Variants in DPF3 observed in about 807,000 individuals in gnomAD.
DPF3 encodes double PHD fingers 3, also known as zinc finger protein DPF3.
In DPF3, 18 loss-of-function variants were observed where a neutral mutation model predicts 56.8. The observed-to-expected ratio is 0.32, with a 90% CI of 0.22 to 0.47. DPF3 has a LOEUF of 0.47. DPF3 is among the 20% of genes least tolerant of loss of function. The pLI is 1.00. For synonymous variants in DPF3, 188 were observed against 180.2 expected, an observed-to-expected ratio of 1.04 and a Z score of -0.35; for missense variants, 403 against 488.8, an observed-to-expected ratio of 0.82 and a Z score of 1.65.
chr14:72,850,653 C>T (rs1014102626), intron 1 of DPF3, among the ~76,000 whole-genome samples: 2 of 152,164 alleles, frequency 1.3e-5, no homozygotes, highest in Non-Finnish European at 2.9e-5. Flanking sequence ...TCTTTTGTGC[C>T]ATGACAATCT....
At chr14:72,881,909 T>C (rs1316771893) in intron 1 of DPF3, among the ~76,000 whole-genome samples, 1 of 152,086 alleles carries the variant, frequency 6.6e-6, no homozygotes, top group Admixed American at 6.6e-5. Context: ...AATAAAGTTA[T>C]TCTTTGGAGA....
At chr14:72,808,482 G>A (rs180945817) in intron 1 of DPF3, among the ~76,000 whole-genome samples, 28 of 152,250 alleles carry the variant, frequency 1.8e-4, no homozygotes, top group African/African-American at 6.5e-4. Flanking sequence ...AGCAGGACCC[G>A]CAAGAAGGTT....
chr14:72,660,215 T>G (rs1454412085), intron 8 of DPF3, among the ~76,000 whole-genome samples: 2 of 152,142 alleles, frequency 1.3e-5, no homozygotes, highest in Non-Finnish European at 2.9e-5. Flanking sequence ...TAATGCATAT[T>G]TCATCACAAT....
intron 8 of DPF3, among the ~76,000 whole-genome samples, chr14:72,653,435 C>T (rs944013816): frequency 2.6e-5 from 4 of 152,302 alleles, no homozygotes; most frequent in South Asian, 2.1e-4. Flanking sequence ...AGGTGAAGAG[C>T]GAAGAGAATC....
chr14:72,861,727 A>AAGAAAGAAAG (rs753409919), intron 1 of DPF3, among the ~76,000 whole-genome samples: 16,046 of 89,222 alleles, frequency 0.18, 3,415 homozygotes, highest in South Asian at 0.21. Context: ...AAGAGAGAGA[A>AAGAAAGAAAG]AGAAAGAAAG....
At chr14:72,850,340 G>A (rs189416830) in intron 1 of DPF3, among the ~76,000 whole-genome samples, 100 of 151,874 alleles carry the variant, frequency 6.6e-4, no homozygotes, top group Non-Finnish European at 4.4e-4. Context: ...CCTATTCTTC[G>A]TCTCCTACAG....
chr14:72,767,932 G>T (rs987395143), intron 2 of DPF3, among the ~76,000 whole-genome samples: 1 of 152,054 alleles, frequency 6.6e-6, no homozygotes, highest in East Asian at 1.9e-4. Flanking sequence ...TTACTTATAA[G>T]GGAAAAAAGC....
At chr14:72,757,415 A>G (rs1166938558) in intron 2 of DPF3, among the ~76,000 whole-genome samples, 1 of 152,178 alleles carries the variant, frequency 6.6e-6, no homozygotes, top group Non-Finnish European at 1.5e-5. Flanking sequence ...CCTATAAGTT[A>G]TACCAATTTG....
At chr14:72,859,053 C>T (rs1370074714) in intron 1 of DPF3, among the ~76,000 whole-genome samples, 1 of 152,142 alleles carries the variant, frequency 6.6e-6, no homozygotes, top group Non-Finnish European at 1.5e-5. Flanking sequence ...ATTGTTAACT[C>T]AGATAAGATT....
intron 1 of DPF3, among the ~76,000 whole-genome samples, chr14:72,831,903 G>T (rs1178663205): frequency 6.6e-6 from 1 of 151,802 alleles, no homozygotes; most frequent in East Asian, 1.9e-4. Flanking sequence ...TTTTCAGAAG[G>T]CTTGCCATTT....
intron 1 of DPF3, among the ~76,000 whole-genome samples, chr14:72,827,953 TA>T (rs58664797): frequency 0.013 from 1,897 of 150,990 alleles, 40 homozygotes; most frequent in African/African-American, 0.044. Context: ...CCCTGACTCT[TA>T]AAAAAAAATA....
intron 7 of DPF3, among the ~76,000 whole-genome samples, chr14:72,677,558 G>A (rs1260269770): frequency 6.6e-6 from 1 of 152,064 alleles, no homozygotes; most frequent in Non-Finnish European, 1.5e-5. Context: ...TATTAAATAG[G>A]TCTACTCCTT....
At chr14:72,699,650 G>A (rs1380948494) in intron 6 of DPF3, among the ~76,000 whole-genome samples, 1 of 152,010 alleles carries the variant, frequency 6.6e-6, no homozygotes, top group Non-Finnish European at 1.5e-5. Context: ...CCTGCCAACA[G>A]CTATTGAGTG....
chr14:72,637,863 T>C (rs1885429847), intron 8 of DPF3, among the ~76,000 whole-genome samples: 2 of 144,292 alleles, frequency 1.4e-5, no homozygotes, highest in Non-Finnish European at 3.0e-5. Flanking sequence ...AGAATTCATG[T>C]CAACTTTCCC....
chr14:72,632,056 G>T (rs989909247), intron 8 of DPF3, among the ~76,000 whole-genome samples: 5 of 152,228 alleles, frequency 3.3e-5, no homozygotes, highest in Non-Finnish European at 7.3e-5. Flanking sequence ...ATGAGCAAAA[G>T]GAAAGGGGTA....
At chr14:72,623,755 C>G (rs1884616959) in intron 9 of DPF3, among the ~76,000 whole-genome samples, 1 of 152,190 alleles carries the variant, frequency 6.6e-6, no homozygotes, top group African/African-American at 2.4e-5. Flanking sequence ...TTTTCTACCT[C>G]TGTCCACAGA....
At chr14:72,811,298 C>G (rs1487517883) in intron 1 of DPF3, among the ~76,000 whole-genome samples, 2 of 152,176 alleles carry the variant, frequency 1.3e-5, no homozygotes, top group African/African-American at 4.8e-5. Flanking sequence ...CAAATCATAT[C>G]AATTAGTGTC....
chr14:72,812,310 A>G (rs1228287066), intron 1 of DPF3, among the ~76,000 whole-genome samples: 1 of 152,124 alleles, frequency 6.6e-6, no homozygotes, highest in Non-Finnish European at 1.5e-5. Context: ...AGTGTTGTCA[A>G]AATAGCGAGG....
chr14:72,691,524 C>T (rs1443804185), intron 7 of DPF3, among the ~76,000 whole-genome samples: 6 of 152,040 alleles, frequency 3.9e-5, no homozygotes, highest in Admixed American at 3.3e-4. Flanking sequence ...GTCAAGAGAT[C>T]GAGACCATCC....
Sources: gnomAD v4.1 joint callset for allele counts (sites outside exome capture counted in the v4.1 genomes callset) on GRCh38, gnomAD v4.1.1 for gene constraint, MANE v1.5 for transcripts, NCBI Gene and HGNC (gene_info 2026-07-23, HGNC 2026-07-21) for gene names.